The following EVC2 variants were observed in gnomAD, a reference collection of about 807,000 sequenced individuals.
The protein encoded by EVC2 is EvC ciliary complex subunit 2.
Under a neutral mutation model 149.3 loss-of-function variants are expected in EVC2, and 148 were observed. That is an observed-to-expected ratio of 0.99 (90% CI 0.87 to 1.14). The LOEUF (loss-of-function observed/expected upper bound fraction) is 1.14. Among genes scored for constraint, EVC2 ranks in the 50% most tolerant of loss-of-function variants. The probability of loss-of-function intolerance (pLI) is 0.00; values close to 1 mark genes in which losing one functional copy is unlikely to be tolerated. For synonymous variants in EVC2, 776 were observed against 649.9 expected (o/e 1.19, Z -2.95); for missense variants, 1,854 against 1,627.3 (o/e 1.14, Z -2.40).
At chr4:5,706,433 GATAGATAGATAGATACATAC>G (rs1722188808) in intron 1 of EVC2, among the ~76,000 whole-genome samples, 1 of 25,716 alleles carries the variant, frequency 3.9e-5, no homozygotes, top group Non-Finnish European at 1.0e-4. Context: ...TAGATACATA[GATAGATAGATAGATACATAC>G]ATACATACAT....
chr4:5,626,652 G>A (rs1716139740), intron 12 of EVC2, among the ~76,000 whole-genome samples: 1 of 152,090 alleles, frequency 6.6e-6, no homozygotes, highest in East Asian at 1.9e-4. Flanking sequence ...CTTTTTGGGT[G>A]TGCCTGTGAG....
chr4:5,593,897 A>G (rs1365905708), intron 16 of EVC2, among the ~76,000 whole-genome samples: 5 of 152,186 alleles, frequency 3.3e-5, no homozygotes, highest in Non-Finnish European at 7.3e-5. Flanking sequence ...GGGCTTAAAA[A>G]ACGACGCACC....
chr4:5,601,043 T>C (rs1363316568), intron 16 of EVC2, among the ~76,000 whole-genome samples: 1 of 152,186 alleles, frequency 6.6e-6, no homozygotes, highest in Non-Finnish European at 1.5e-5. Flanking sequence ...GACAAAAGAC[T>C]TGGAGCGGTC....
intron 9 of EVC2, among the ~76,000 whole-genome samples, chr4:5,659,006 A>T (rs1718711942): frequency 6.6e-6 from 1 of 152,186 alleles, no homozygotes; most frequent in African/African-American, 2.4e-5. Flanking sequence ...AGCCTGATAA[A>T]AATCAAAGGA....
rs1718639906 is a variant in EVC2 at position 5,657,985 on chromosome 4, T to C, written c.1145+5122A>G. On this transcript the variant is annotated intron_variant, in intron 9 of 21. Transcript: ENST00000344408. This position sits in a 1 kb window ranked among gnomAD's most constrained non-coding sequence, Gnocchi z 4.7. Reference sequence around the variant, plus strand: ...ACTCCAAAACGCTCATCGCCAGCTCTCAGCTTAACAAGCCTCCATTAGAAG... The same window carrying C: ...ACTCCAAAACGCTCATCGCCAGCTCCCAGCTTAACAAGCCTCCATTAGAAG... Among the ~76,000 whole-genome samples the C allele has an allele frequency of 6.6e-6, 1 of 152,104 alleles. No individual in the cohort carries two copies. Among genetic ancestry groups the C allele is most frequent in the Non-Finnish European group, 1.5e-5 (1 of 68,006 alleles).
chr4:5,695,952 G>T (rs1721448337), intron 2 of EVC2, among the ~76,000 whole-genome samples: 3 of 152,120 alleles, frequency 2.0e-5, no homozygotes, highest in Admixed American at 2.0e-4. Context: ...TCCTTGGGTT[G>T]TATTTGGGGG....
Position 5,679,219 on chromosome 4 carries a change from A to G in EVC2, c.870+2041T>C, listed in dbSNP as rs1720184418. ...CGACTATAGACTTTAGAAACACTGT[A>G]CCCTTAGGCTACACTACATTTATTT... is the stretch of plus-strand genomic sequence containing the variant. On this transcript the variant is annotated intron_variant, in intron 7 of 21. Coordinates refer to ENST00000344408, the MANE Select transcript of EVC2 (RefSeq NM_147127.5). The surrounding 1 kb of genome is among the most constrained non-coding windows in gnomAD (Gnocchi z 5.1). Among the ~76,000 whole-genome samples the G allele has an allele frequency of 6.6e-6, 1 of 151,910 alleles. No individual in the cohort carries two copies. The highest frequency in any genetic ancestry group is 2.4e-5 in the African/African-American group (1 of 41,362).
Position 5,618,462 on chromosome 4 carries a change from G to C in EVC2, c.2706+16C>G, listed in dbSNP as rs779115962. Reference sequence around the variant, plus strand: ...GGCCCTGCTTCTGTAATCGGCCACTGACAGGTCCATCCTACCTGCAGCTCA... The same window carrying C: ...GGCCCTGCTTCTGTAATCGGCCACTCACAGGTCCATCCTACCTGCAGCTCA... On this transcript the variant is annotated intron_variant, in intron 15 of 21. Coordinates refer to ENST00000344408, the MANE Select transcript of EVC2 (RefSeq NM_147127.5). This position sits in a 1 kb window ranked among gnomAD's most constrained non-coding sequence, Gnocchi z 4.4. 2.5e-6 allele frequency: 4 copies of C among 1,612,348 alleles called. No individual in the cohort carries two copies. The South Asian group carries it at 4.4e-5, about 18-fold the overall frequency.
intron 17 of EVC2, among the ~76,000 whole-genome samples, chr4:5,579,018 G>A (rs1184137880): frequency 6.6e-6 from 1 of 152,174 alleles, no homozygotes; most frequent in African/African-American, 2.4e-5. Context: ...CAATGCTCAG[G>A]GGGCAGCAAG....
In EVC2 at chr4:5,625,723, A is replaced by C. The variant is rs780545804; in HGVS notation, c.2046+26T>G. On this transcript the variant is annotated intron_variant, in intron 13 of 21. Coordinates refer to ENST00000344408, the MANE Select transcript of EVC2 (RefSeq NM_147127.5). The surrounding 1 kb of genome is among the most constrained non-coding windows in gnomAD (Gnocchi z 4.0). ...GGTATCAGAAAGTGCCTATGCAAAG[A>C]ATAAATAGCATCATGCCTTATATAC... 5 of 1,613,928 alleles carry C rather than the reference A, an allele frequency of 3.1e-6. No individual in the cohort carries two copies. The African/African-American group carries it at 6.7e-5, about 22-fold the overall frequency.
In EVC2 at chr4:5,583,809, A is replaced by G. The variant is rs1712023373; in HGVS notation, c.3057+814T>C. Reference sequence around the variant, plus strand: ...AAAATCTCTTCACTTTATCAATTCTATGGTAGTTTTGTTTTTTATTTTGTT... The same window carrying G: ...AAAATCTCTTCACTTTATCAATTCTGTGGTAGTTTTGTTTTTTATTTTGTT... On this transcript the variant is annotated intron_variant, in intron 17 of 21. Transcript: ENST00000344408. Among the ~76,000 whole-genome samples the G allele has an allele frequency of 2.0e-5, 3 of 150,866 alleles. 1 individual carries two copies. The South Asian group carries it at 6.3e-4, about 32-fold the overall frequency.
At chr4:5,561,770 C>A (rs1721969438), downstream of EVC2, among the ~76,000 whole-genome samples, 1 of 152,156 alleles carries the variant, frequency 6.6e-6, no homozygotes, top group Non-Finnish European at 1.5e-5. Context: ...AATAGGGATA[C>A]TCACCTTGCT....
Position 5,574,669 on chromosome 4 carries a change from G to T in EVC2, c.3360+16C>A. Reference sequence around the variant, plus strand: ...CTGGCAAGGGGTGGCCTCAGACCCTGCCAGTACCTTCTCACCTGGCTGCAC... The same window carrying T: ...CTGGCAAGGGGTGGCCTCAGACCCTTCCAGTACCTTCTCACCTGGCTGCAC... On this transcript the variant is annotated intron_variant, in intron 19 of 21. Transcript: ENST00000344408. 5 of 1,613,524 alleles carry T rather than the reference G, an allele frequency of 3.1e-6. No individual in the cohort carries two copies. Among genetic ancestry groups the T allele is most frequent in the Non-Finnish European group, 4.2e-6 (5 of 1,179,458 alleles).
At chr4:5,681,416 C>A in intron 6 of EVC2, 103 bp from the exon 7 acceptor site, 1 of 1,177,280 alleles carries the variant, frequency 8.5e-7, no homozygotes. Flanking sequence ...GAGCTACAAT[C>A]AGCCCTAACT....
chr4:5,681,313 T>C lies in EVC2; in HGVS notation c.817A>G (p.Asn273Asp), dbSNP rs1270468417. Residue 273 changes from asparagine (N) to aspartate (D), a missense_variant and splice_region_variant, in exon 7 of 22, where the codon AAC becomes GAC. Transcript: ENST00000344408. The part of the protein sequence containing the change: ...AQLTFQSSSR[N>D]RTQLKVLFSI... ...AAAAGCACTTTCAGCTGTGTTCTGT[T>C]CTAGAAAAGGAAAAAAGAAAACACT... The C allele has an allele frequency of 1.9e-6, 3 of 1,614,186 alleles. No individual in the cohort carries two copies. The highest frequency in any genetic ancestry group is 2.2e-5 in the South Asian group (2 of 91,084).
Position 5,622,554 on chromosome 4 carries a change from C to T in EVC2, c.2484G>A (p.Trp828Ter), listed in dbSNP as rs770918273. 3.1e-6 allele frequency: 5 copies of T among 1,613,732 alleles called. No individual in the cohort carries two copies. The East Asian group carries it at 1.1e-4, about 36-fold the overall frequency. The change falls in exon 14 of 22, where the codon TGG becomes TGA. Residue 828 changes from tryptophan (W) to a stop codon, truncating the protein, a stop_gained. Transcript: ENST00000344408. LOFTEE classifies it high-confidence loss of function. The surrounding 1 kb of genome is among the most constrained non-coding windows in gnomAD (Gnocchi z 5.8). ...GCACTCACATGAAGATCAGGTGCTC[C>T]CAGCGTCGCAGCTCTGCCTGCTCCT... ...VTEEQAELRRWEHLIFMKLCS... is the reference protein window; with the variant it reads ...VTEEQAELRR
the EVC2 span, among the ~76,000 whole-genome samples, chr4:5,533,287 G>A: frequency 3.9e-3 from 592 of 152,272 alleles, 2 homozygotes; most frequent in African/African-American, 0.012. Context: ...TAAAAGCCAC[G>A]TGGGTGTTGG....
chr4:5,602,684 A>G (rs1714080826), intron 16 of EVC2, among the ~76,000 whole-genome samples: 1 of 152,190 alleles, frequency 6.6e-6, no homozygotes. Context: ...TAACATTTAC[A>G]TGCTTATAAT....
intron 1 of EVC2, among the ~76,000 whole-genome samples, chr4:5,703,956 G>A (rs866762137): frequency 3.9e-5 from 6 of 152,272 alleles, no homozygotes; most frequent in Non-Finnish European, 5.9e-5. Context: ...TTCAGGCAGA[G>A]GAAAGACCCG....
Sources: allele counts gnomAD v4.1 joint callset (sites outside exome capture counted in the v4.1 genomes callset), GRCh38; gene constraint gnomAD v4.1.1; non-coding constraint Gnocchi (gnomAD v3.1); transcripts MANE v1.5; gene names NCBI Gene and HGNC (gene_info 2026-07-23, HGNC 2026-07-21).